CNTNAP2: variants seen among roughly 807,000 people sequenced by gnomAD.
The protein encoded by CNTNAP2 is contactin associated protein 2.
CNTNAP2 carries 98 observed loss-of-function variants against 155.2 expected under a neutral mutation model. That is an observed-to-expected ratio of 0.63 (90% CI 0.54 to 0.75). The LOEUF (loss-of-function observed/expected upper bound fraction) is 0.75. Ranked by LOEUF, CNTNAP2 falls within the 30% of genes least tolerant of loss-of-function variation. CNTNAP2 has a pLI of 0.00. For synonymous variants in CNTNAP2, 651 were observed against 631.2 expected, an observed-to-expected ratio of 1.03 and a Z score of -0.47; for missense variants, 1,727 against 1,688.1, an observed-to-expected ratio of 1.02 and a Z score of -0.40.
chr7:146,676,439 G>A (rs975060016), intron 1 of CNTNAP2, among the ~76,000 whole-genome samples: 6 of 96,760 alleles, frequency 6.2e-5, no homozygotes, highest in East Asian at 2.7e-4. Flanking sequence ...AGCTACAAGT[G>A]TTTGTGTTCT....
chr7:147,148,786 A>G (rs190681683), intron 8 of CNTNAP2, among the ~76,000 whole-genome samples: 1 of 152,252 alleles, frequency 6.6e-6, no homozygotes, highest in African/African-American at 2.4e-5. Flanking sequence ...GGTCTCACTG[A>G]CTTCGGGAGT....
chr7:146,311,359 C>T (rs577131297), intron 1 of CNTNAP2, among the ~76,000 whole-genome samples: 13 of 152,170 alleles, frequency 8.5e-5, no homozygotes, highest in East Asian at 7.7e-4. Flanking sequence ...TTCATTTCTA[C>T]GCCACAAATA....
intron 3 of CNTNAP2, among the ~76,000 whole-genome samples, chr7:146,936,534 CA>C (rs1796918221): frequency 6.6e-6 from 1 of 152,072 alleles, no homozygotes. Context: ...AGAAAATGAC[CA>C]AAAGCGGGGA....
chr7:147,456,295 G>A (rs1797917093), intron 10 of CNTNAP2, among the ~76,000 whole-genome samples: 1 of 152,070 alleles, frequency 6.6e-6, no homozygotes, highest in Non-Finnish European at 1.5e-5. Context: ...GACAGAGCTA[G>A]AACTACCTCT....
rs1796692575 is a variant in CNTNAP2, at chr7:148,267,447, G to A, written c.3475+321G>A. ...AGGCTGGTGGATCACTTGAGGTCAG[G>A]AGTTCGAGACCAGCCTGGCCAACAT... On this transcript the variant is annotated intron_variant, in intron 21 of 23. Coordinates refer to ENST00000361727, the MANE Select transcript of CNTNAP2 (RefSeq NM_014141.6). 2.6e-5 allele frequency among the ~76,000 whole-genome samples: 4 copies of A among 152,118 alleles called. No individual in the cohort carries two copies. In the East Asian group the frequency reaches 7.8e-4, roughly 30 times the overall value.
chr7:147,635,455 A>C (rs1474134956), intron 12 of CNTNAP2, among the ~76,000 whole-genome samples: 2 of 151,998 alleles, frequency 1.3e-5, no homozygotes, highest in East Asian at 3.9e-4. Flanking sequence ...TGCTTATTGC[A>C]CTGTGGTTTC....
intron 13 of CNTNAP2, among the ~76,000 whole-genome samples, chr7:147,760,802 A>G (rs886265264): frequency 6.6e-6 from 1 of 152,210 alleles, no homozygotes; most frequent in Admixed American, 6.5e-5. Flanking sequence ...TTTTGGGAAT[A>G]CTGTAGGAAG....
intron 1 of CNTNAP2, among the ~76,000 whole-genome samples, chr7:146,345,361 G>A (rs956936408): frequency 2.0e-5 from 3 of 152,198 alleles, no homozygotes; most frequent in Non-Finnish European, 4.4e-5. Flanking sequence ...TTAAAGGCAT[G>A]TTAGGGTCCT....
At chr7:146,411,490 A>C (rs1795863891) in intron 1 of CNTNAP2, among the ~76,000 whole-genome samples, 1 of 152,114 alleles carries the variant, frequency 6.6e-6, no homozygotes, top group African/African-American at 2.4e-5. Context: ...CACCACAAGA[A>C]AATATGGTAA....
chr7:146,459,643 G>A (rs1429769080), intron 1 of CNTNAP2, among the ~76,000 whole-genome samples: 4 of 152,044 alleles, frequency 2.6e-5, no homozygotes, highest in African/African-American at 9.7e-5. Flanking sequence ...AGGGAAGGAC[G>A]CACAAAAAGC....
chr7:147,001,087 C>T (rs780944286), intron 3 of CNTNAP2, among the ~76,000 whole-genome samples: 1 of 152,092 alleles, frequency 6.6e-6, no homozygotes, highest in Non-Finnish European at 1.5e-5. Flanking sequence ...CAGTGTCTCT[C>T]TCTGCTCTGT....
chr7:147,051,760 A>G (rs1799478583), intron 4 of CNTNAP2, among the ~76,000 whole-genome samples: 1 of 151,124 alleles, frequency 6.6e-6, no homozygotes, highest in African/African-American at 2.4e-5. Flanking sequence ...TCTTATTAAT[A>G]TTAATAAGAA....
At chr7:147,868,576 A>G (rs1278472550) in intron 13 of CNTNAP2, among the ~76,000 whole-genome samples, 1 of 152,204 alleles carries the variant, frequency 6.6e-6, no homozygotes, top group Non-Finnish European at 1.5e-5. Flanking sequence ...CTGCCCACAG[A>G]GGTGGAGTCT....
At chr7:147,593,817 T>C (rs565359142) in intron 12 of CNTNAP2, among the ~76,000 whole-genome samples, 8 of 152,320 alleles carry the variant, frequency 5.3e-5, no homozygotes, top group African/African-American at 1.9e-4. Context: ...TATCTCTCTG[T>C]TTCTTAGACA....
At chr7:148,262,894 C>G (rs1232709631) in intron 20 of CNTNAP2, among the ~76,000 whole-genome samples, 3 of 152,130 alleles carry the variant, frequency 2.0e-5, no homozygotes, top group Non-Finnish European at 4.4e-5. Flanking sequence ...GAATTATGTT[C>G]GGCAGGGGGA....
At chr7:146,586,944 C>CT (rs1193908718) in intron 1 of CNTNAP2, among the ~76,000 whole-genome samples, 2 of 151,864 alleles carry the variant, frequency 1.3e-5, no homozygotes, top group Non-Finnish European at 2.9e-5. Context: ...ATGTGCTAGA[C>CT]TTTTTTAAAG....
intron 21 of CNTNAP2, among the ~76,000 whole-genome samples, chr7:148,292,350 T>C (rs996202512): frequency 3.9e-5 from 6 of 152,226 alleles, no homozygotes; most frequent in African/African-American, 9.6e-5. Context: ...AGATTAATTA[T>C]GGACGTAATG....
intron 3 of CNTNAP2, among the ~76,000 whole-genome samples, chr7:146,921,899 T>C (rs1260027210): frequency 2.0e-5 from 3 of 152,186 alleles, no homozygotes; most frequent in Non-Finnish European, 4.4e-5. Flanking sequence ...AAGGTCATTC[T>C]AGGTCCTAGA....
At chr7:147,917,769 C>T (rs927422288) in intron 14 of CNTNAP2, among the ~76,000 whole-genome samples, 3 of 152,092 alleles carry the variant, frequency 2.0e-5, no homozygotes, top group African/African-American at 7.2e-5. Context: ...TCAAAGGGGC[C>T]CTGCTAGTCT....
Sources: allele counts gnomAD v4.1 joint callset (sites outside exome capture counted in the v4.1 genomes callset), GRCh38; gene constraint gnomAD v4.1.1; transcripts MANE v1.5; gene names NCBI Gene and HGNC (gene_info 2026-07-23, HGNC 2026-07-21).